The following CSRP3 variants were observed in gnomAD, a reference collection of about 807,000 sequenced individuals.
The protein encoded by CSRP3 is cysteine and glycine-rich protein 3.
CSRP3 carries 24 observed loss-of-function variants against 24.3 expected under a neutral mutation model. The observed-to-expected ratio is 0.99, with a 90% CI of 0.71 to 1.39. CSRP3 has a LOEUF of 1.39. Ranked by LOEUF, CSRP3 falls within the 40% of genes most tolerant of loss-of-function variation. The pLI is 0.00. For synonymous variants in CSRP3, 105 were observed against 94.0 expected (o/e 1.12, Z -0.68); for missense variants, 240 against 249.0 (o/e 0.96, Z 0.24).
Position 19,185,003 on chromosome 11 carries a change from T to C in CSRP3, c.457A>G (p.Ser153Gly), listed in dbSNP as rs1453122365. 6.2e-7 allele frequency: 1 copy of C among 1,614,090 alleles called. No individual in the cohort carries two copies. The change falls in exon 5 of 6, where the codon AGT (serine) becomes GGT (glycine). Residue 153 changes from serine to glycine, a missense_variant. By Grantham distance (56) the Ser-to-Gly change is moderately conservative. Coordinates refer to ENST00000265968, the MANE Select transcript of CSRP3 (RefSeq NM_003476.5). ...TCAGTGACATTTGTGGACTCCAGAC[T>C]CTTCCCACAGATGGCACAGCGGAAA... ...TCFRCAICGK[S>G]LESTNVTDKD...
rs576199559 is a variant in CSRP3 at position 19,195,582 on chromosome 11, C to G, written c.-28-3106G>C. ...ATATAGAAATTTTCAATGAAAACAA[C>G]CTTAGGTCAAATTTCTCATTTCAGA... On this transcript the variant is annotated intron_variant, in intron 1 of 5. Coordinates refer to ENST00000265968, the MANE Select transcript of CSRP3 (RefSeq NM_003476.5). Among the ~76,000 whole-genome samples, 3 of 152,232 alleles carry G rather than the reference C, an allele frequency of 2.0e-5. No individual in the cohort carries two copies. The South Asian group carries it at 6.2e-4, about 32-fold the overall frequency.
chr11:19,184,873 C>T, intron 5 of CSRP3, 79 bp downstream of exon 5: 1 of 1,098,266 alleles, frequency 9.1e-7, no homozygotes, highest in Non-Finnish European at 1.4e-6. Context: ...GGGAAGACCT[C>T]CAGGCATGAA....
chr11:19,198,012 C>T (rs768722168), intron 1 of CSRP3, among the ~76,000 whole-genome samples: 1 of 152,074 alleles, frequency 6.6e-6, no homozygotes, highest in East Asian at 1.9e-4. Context: ...TACATTAGTC[C>T]AAGTTCATGG....
At chr11:19,189,412 C>A (rs763857968) in intron 2 of CSRP3, among the ~76,000 whole-genome samples, 2 of 152,170 alleles carry the variant, frequency 1.3e-5, no homozygotes, top group Non-Finnish European at 2.9e-5. Context: ...AACAATGATT[C>A]TTAAAGGTTG....
intron 1 of CSRP3, among the ~76,000 whole-genome samples, chr11:19,195,560 T>C (rs923670012): frequency 7.2e-5 from 11 of 152,242 alleles, no homozygotes; most frequent in African/African-American, 2.7e-4. Flanking sequence ...ATTAATGATA[T>C]AGAAATTTTC....
At chr11:19,187,969 G>A (rs1272681380) in intron 3 of CSRP3, among the ~76,000 whole-genome samples, 167 bp downstream of exon 3, 3 of 152,208 alleles carry the variant, frequency 2.0e-5, no homozygotes, top group East Asian at 3.8e-4. Flanking sequence ...AGTCTTTGGA[G>A]AGATGACACA....
intron 1 of CSRP3, among the ~76,000 whole-genome samples, chr11:19,193,898 T>G (rs1024440975): frequency 2.0e-5 from 3 of 152,250 alleles, no homozygotes; most frequent in Non-Finnish European, 4.4e-5. Flanking sequence ...AAGTTTTCAG[T>G]TTCCTCAAAG....
chr11:19,191,028 T>C (rs1476936858), intron 2 of CSRP3, among the ~76,000 whole-genome samples: 2 of 152,172 alleles, frequency 1.3e-5, no homozygotes, highest in East Asian at 3.8e-4. Flanking sequence ...CCAAAGTTGA[T>C]CAAAGGAGAA....
chr11:19,183,878 C>T (rs9888227), intron 5 of CSRP3, among the ~76,000 whole-genome samples: 20,717 of 152,008 alleles, frequency 0.14, 3,615 homozygotes, highest in African/African-American at 0.41. Flanking sequence ...AATTGAATCA[C>T]TGGGCGTGCT....
At chr11:19,185,080 G>A (rs780053223) in intron 4 of CSRP3, 35 bp from the exon 5 acceptor site, 1 of 1,453,560 alleles carries the variant, frequency 6.9e-7, no homozygotes, top group Non-Finnish European at 9.7e-7. Flanking sequence ...ATTTAATGAG[G>A]TAGGCAACAC....
intron 1 of CSRP3, among the ~76,000 whole-genome samples, chr11:19,196,339 G>A (rs557328525): frequency 3.9e-5 from 6 of 152,270 alleles, no homozygotes; most frequent in African/African-American, 1.4e-4. Context: ...TTGAACTCGG[G>A]TAAAAAATGT....
chr11:19,188,666 G>A (rs76130226), intron 2 of CSRP3, among the ~76,000 whole-genome samples: 3,055 of 151,742 alleles, frequency 0.02, 47 homozygotes, highest in Middle Eastern at 0.044. Flanking sequence ...GGGCGCGCGC[G>A]TTGGCAGGGG....
At position 19,182,611 on chromosome 11, in the gene CSRP3, G is replaced by T; in HGVS notation, c.*59C>A. ...TATTTGGGGAAAGGTATCGATCTGT[G>T]CAGGATTACTTGGCAAGTGTTTTAG... On this transcript the variant is annotated 3_prime_UTR_variant, in exon 6 of 6. Coordinates refer to ENST00000265968, the MANE Select transcript of CSRP3 (RefSeq NM_003476.5). 1 of 1,332,260 alleles carries T rather than the reference G, an allele frequency of 7.5e-7. No homozygotes were observed. The highest frequency in any genetic ancestry group is 1.1e-6 in the Non-Finnish European group (1 of 922,492). The allele number at this position is 1,332,260 out of a possible 1,614,324, so 82.5% of individuals were successfully genotyped here.
At chr11:19,193,495 A>C (rs61876753) in intron 1 of CSRP3, among the ~76,000 whole-genome samples, 7 of 152,168 alleles carry the variant, frequency 4.6e-5, no homozygotes, top group Non-Finnish European at 1.0e-4. Context: ...AGAGATATTA[A>C]CCAAAGAAAA....
At chr11:19,188,717 A>G (rs1180036869) in intron 2 of CSRP3, among the ~76,000 whole-genome samples, 2 of 151,886 alleles carry the variant, frequency 1.3e-5, no homozygotes, top group African/African-American at 4.8e-5. Flanking sequence ...TTTCTTAATC[A>G]TAAAAGAATC....
rs773648238 is a variant in CSRP3, at chr11:19,194,218, T to C, written c.-28-1742A>G. On this transcript the variant is annotated intron_variant, in intron 1 of 5. Coordinates refer to ENST00000265968, the MANE Select transcript of CSRP3 (RefSeq NM_003476.5). Reference sequence around the variant, plus strand: ...AGAAAGTAAATAGCAAACAGACCACTGAACCTGATACTAGGTCTAGAAGGA... The same window carrying C: ...AGAAAGTAAATAGCAAACAGACCACCGAACCTGATACTAGGTCTAGAAGGA... Among the ~76,000 whole-genome samples, 7 of 152,338 alleles carry C rather than the reference T, an allele frequency of 4.6e-5. No individual in the cohort carries two copies. In the South Asian group the frequency reaches 8.3e-4, roughly 18 times the overall value.
Position 19,187,374 on chromosome 11 carries a change from C to T in CSRP3, c.281+762G>A, listed in dbSNP as rs76977274. Among the ~76,000 whole-genome samples, 1,058 of 152,350 alleles carry T rather than the reference C, an allele frequency of 6.9e-3. 6 individuals carry two copies. Among genetic ancestry groups the T allele is most frequent in the African/African-American group, 0.022 (917 of 41,580 alleles). ...TCTCTGGGGGAGGCCCTCCATGGGA[C>T]ACTTCCTTGGTTGGGCTGGGCCTTT... is the stretch of plus-strand genomic sequence containing the variant. On this transcript the variant is annotated intron_variant, in intron 3 of 5. Transcript: ENST00000265968.
intron 5 of CSRP3, among the ~76,000 whole-genome samples, chr11:19,184,640 C>T (rs1382727567): frequency 6.6e-6 from 1 of 152,210 alleles, no homozygotes; most frequent in African/African-American, 2.4e-5. Context: ...AGGCCTCTTC[C>T]AAGACCAGAG....
At chr11:19,195,164 G>A (rs1422423701) in intron 1 of CSRP3, among the ~76,000 whole-genome samples, 1 of 151,696 alleles carries the variant, frequency 6.6e-6, no homozygotes, top group Non-Finnish European at 1.5e-5. Flanking sequence ...AAAGTGGGAA[G>A]GAATAATGCT....
Sources: allele counts gnomAD v4.1 joint callset (sites outside exome capture counted in the v4.1 genomes callset), GRCh38; gene constraint gnomAD v4.1.1; transcripts MANE v1.5; gene names NCBI Gene and HGNC (gene_info 2026-07-23, HGNC 2026-07-21).